Variants in RAB3C observed in about 807,000 individuals in gnomAD.
The protein encoded by RAB3C is RAB3C, member RAS oncogene family.
In RAB3C, 17 loss-of-function variants were observed where a neutral mutation model predicts 26.4. The ratio of observed to expected loss-of-function variants is 0.64; its 90% CI spans 0.44 to 0.97. The LOEUF is 0.97. Ranked by LOEUF, RAB3C falls within the 50% of genes least tolerant of loss-of-function variation. The pLI, the probability that RAB3C is intolerant of heterozygous loss-of-function variation, is 0.00. For synonymous variants in RAB3C, 91 were observed against 95.9 expected (o/e 0.95, Z 0.30); for missense variants, 242 against 281.9 (o/e 0.86, Z 1.01).
intron 2 of RAB3C, among the ~76,000 whole-genome samples, chr5:58,620,057 T>G (rs1746902875): frequency 6.6e-6 from 1 of 152,040 alleles, no homozygotes; most frequent in African/African-American, 2.4e-5. Flanking sequence ...GCCTCTAATC[T>G]TCTACAATCT....
At chr5:58,772,647 C>T (rs1431087187) in intron 3 of RAB3C, among the ~76,000 whole-genome samples, 1 of 152,132 alleles carries the variant, frequency 6.6e-6, no homozygotes, top group African/African-American at 2.4e-5. Flanking sequence ...TATCTTATTT[C>T]TGGGCATCCC....
intron 2 of RAB3C, among the ~76,000 whole-genome samples, chr5:58,684,273 A>G (rs1215775799): frequency 6.6e-6 from 1 of 152,196 alleles, no homozygotes; most frequent in East Asian, 1.9e-4. Flanking sequence ...GCCATTTTAT[A>G]CCAGGGACTT....
intron 3 of RAB3C, among the ~76,000 whole-genome samples, chr5:58,814,225 A>G (rs2112044247): frequency 6.6e-6 from 1 of 152,220 alleles, no homozygotes; most frequent in Middle Eastern, 3.4e-3. Flanking sequence ...CCTTTTCCTG[A>G]AGATTTCATC....
At chr5:58,795,883 G>C (rs1742635915) in intron 3 of RAB3C, among the ~76,000 whole-genome samples, 1 of 152,122 alleles carries the variant, frequency 6.6e-6, no homozygotes, top group Non-Finnish European at 1.5e-5. Flanking sequence ...TGGCTGTGTA[G>C]ATGGGGGGAT....
intron 2 of RAB3C, among the ~76,000 whole-genome samples, chr5:58,705,170 C>A (rs994651795): frequency 1.3e-5 from 2 of 152,124 alleles, no homozygotes; most frequent in African/African-American, 4.8e-5. Context: ...TAGAAAGATA[C>A]TTCTTCAGTG....
chr5:58,590,895 A>C (rs947492052), intron 1 of RAB3C, among the ~76,000 whole-genome samples: 7 of 152,172 alleles, frequency 4.6e-5, no homozygotes, highest in Non-Finnish European at 1.0e-4. Flanking sequence ...AAGCACTAGA[A>C]ATCATAAATT....
intron 2 of RAB3C, among the ~76,000 whole-genome samples, chr5:58,705,525 G>C (rs965283811): frequency 6.6e-6 from 1 of 152,202 alleles, no homozygotes. Flanking sequence ...AAGGAGTTAA[G>C]AGGTACTTGA....
At chr5:58,714,514 C>T (rs912872225) in intron 2 of RAB3C, among the ~76,000 whole-genome samples, 6 of 151,978 alleles carry the variant, frequency 3.9e-5, no homozygotes, top group Non-Finnish European at 8.8e-5. Flanking sequence ...ACAAGAAAAA[C>T]TTGTGAGCAG....
At chr5:58,734,058 A>G (rs1283271762) in intron 3 of RAB3C, among the ~76,000 whole-genome samples, 5 of 152,148 alleles carry the variant, frequency 3.3e-5, no homozygotes, top group African/African-American at 1.2e-4. Context: ...AAGCAGATTG[A>G]TATTTTTTAA....
intron 3 of RAB3C, among the ~76,000 whole-genome samples, chr5:58,762,557 G>A (rs983581425): frequency 6.6e-5 from 10 of 152,084 alleles, no homozygotes; most frequent in Admixed American, 2.0e-4. Context: ...GCTGGGCGTC[G>A]TGGCTGGTGC....
intron 2 of RAB3C, among the ~76,000 whole-genome samples, chr5:58,682,219 A>G (rs1748358313): frequency 6.6e-6 from 1 of 152,216 alleles, no homozygotes; most frequent in Non-Finnish European, 1.5e-5. Context: ...GAAAGAAAAT[A>G]TGAGTCAACT....
intron 1 of RAB3C, among the ~76,000 whole-genome samples, chr5:58,612,518 GTGTATATATATATATA>G (rs1367911330): frequency 1.5e-4 from 6 of 40,584 alleles, no homozygotes; most frequent in East Asian, 2.1e-3. Context: ...GTGTGTGTGT[GTGTATATATATATATA>G]TATATATATA....
At chr5:58,809,754 CAG>C (rs1743028813) in intron 3 of RAB3C, among the ~76,000 whole-genome samples, 1 of 152,144 alleles carries the variant, frequency 6.6e-6, no homozygotes, top group South Asian at 2.1e-4. Flanking sequence ...CTCTCTGCAC[CAG>C]AGAGAGATCC....
intron 1 of RAB3C, among the ~76,000 whole-genome samples, chr5:58,591,791 TTATTC>T (rs1323516577): frequency 1.1e-4 from 17 of 150,890 alleles, no homozygotes; most frequent in Non-Finnish European, 2.5e-4. Flanking sequence ...TTTTTTTAAT[TTATTC>T]TGTTTCTTTT....
At chr5:58,582,767 G>A (rs1414099673), upstream of RAB3C, among the ~76,000 whole-genome samples, 1 of 152,150 alleles carries the variant, frequency 6.6e-6, no homozygotes. Flanking sequence ...TACTTCCGAA[G>A]GCGATAGTTA....
At chr5:58,670,315 G>GT (rs79580236) in intron 2 of RAB3C, among the ~76,000 whole-genome samples, 251 of 146,778 alleles carry the variant, frequency 1.7e-3, no homozygotes, top group South Asian at 6.1e-3. Context: ...CCAAAGGATA[G>GT]TTTTTTTTTT....
At chr5:58,689,561 G>A (rs1748518097) in intron 2 of RAB3C, among the ~76,000 whole-genome samples, 2 of 152,184 alleles carry the variant, frequency 1.3e-5, no homozygotes, top group East Asian at 1.9e-4. Flanking sequence ...GGTTGTGACC[G>A]TTCCAAAATT....
chr5:58,713,514 G>C (rs562507733), intron 2 of RAB3C, among the ~76,000 whole-genome samples: 1 of 152,118 alleles, frequency 6.6e-6, no homozygotes, highest in Non-Finnish European at 1.5e-5. Flanking sequence ...TCAGAATCAG[G>C]GCAAGAACTG....
chr5:58,805,296 C>A (rs541233507), intron 3 of RAB3C, among the ~76,000 whole-genome samples: 9 of 151,972 alleles, frequency 5.9e-5, no homozygotes, highest in African/African-American at 1.9e-4. Context: ...AGTATAGATA[C>A]CAAGAAGATG....
Sources: gnomAD v4.1 joint callset for allele counts (sites outside exome capture counted in the v4.1 genomes callset) on GRCh38, gnomAD v4.1.1 for gene constraint, MANE v1.5 for transcripts, NCBI Gene and HGNC (gene_info 2026-07-23, HGNC 2026-07-21) for gene names.